The following MANBA variants were observed in gnomAD, a reference collection of about 807,000 sequenced individuals.
MANBA encodes the protein beta-mannosidase.
MANBA carries 83 observed loss-of-function variants against 111.1 expected under a neutral mutation model. That is an observed-to-expected ratio of 0.75 (90% CI 0.63 to 0.90). The LOEUF is 0.90. MANBA is among the 40% of genes least tolerant of loss of function. The pLI is 0.00. For synonymous variants in MANBA, 370 were observed against 378.7 expected (o/e 0.98, Z 0.27); for missense variants, 1,036 against 1,069.0 (o/e 0.97, Z 0.43).
intron 12 of MANBA, among the ~76,000 whole-genome samples, chr4:102,656,022 G>A (rs758874016): frequency 6.6e-6 from 1 of 152,156 alleles, no homozygotes; most frequent in Non-Finnish European, 1.5e-5. Context: ...GGAGCCCGAG[G>A]TAGGAAGATC....
chr4:102,757,688 T>C (rs1724081378), intron 1 of MANBA, among the ~76,000 whole-genome samples: 1 of 152,200 alleles, frequency 6.6e-6, no homozygotes, highest in South Asian at 2.1e-4. Flanking sequence ...AGACCAGCAA[T>C]AGTCCCCTGG....
chr4:102,751,247 G>A (rs1723778685), intron 1 of MANBA, among the ~76,000 whole-genome samples: 1 of 152,168 alleles, frequency 6.6e-6, no homozygotes, highest in Non-Finnish European at 1.5e-5. Context: ...ATTGTGGGTG[G>A]AGCAGACCCA....
chr4:102,709,969 T>C (rs72940802), intron 5 of MANBA, among the ~76,000 whole-genome samples: 4,632 of 152,292 alleles, frequency 0.03, 243 homozygotes, highest in African/African-American at 0.1. Flanking sequence ...TATCCCTTCA[T>C]GATAAAAACT....
intron 1 of MANBA, among the ~76,000 whole-genome samples, chr4:102,744,132 G>A (rs1723506590): frequency 6.6e-6 from 1 of 152,218 alleles, no homozygotes; most frequent in Non-Finnish European, 1.5e-5. Context: ...AATGTGGAAT[G>A]TGTTGCCTCC....
chr4:102,631,152 G>T lies in MANBA; in HGVS notation c.*905C>A. 6.8e-6 allele frequency: 1 copy of T among 146,194 alleles called. No homozygotes were observed. The highest frequency in any genetic ancestry group is 1.5e-5 in the Non-Finnish European group (1 of 66,988). 9.1% of individuals were successfully genotyped at this position (146,194 alleles called of 1,614,324 possible). On this transcript the variant is annotated 3_prime_UTR_variant, in exon 17 of 17. Transcript: ENST00000647097. Reference sequence around the variant, plus strand: ...TGTGTGTGTGTGTGTGTGTGTGTGTGTACATATAAAATGAGGATACTCTTA... The same window carrying T: ...TGTGTGTGTGTGTGTGTGTGTGTGTTTACATATAAAATGAGGATACTCTTA...
In MANBA at chr4:102,657,678, T is replaced by C. The variant is rs761347677; in HGVS notation, c.1704+4A>G. On this transcript the variant is annotated splice_donor_region_variant and intron_variant, in intron 12 of 16. Coordinates refer to ENST00000647097, the MANE Select transcript of MANBA (RefSeq NM_005908.4). ...AAACATTAGAAAATCAAACGATGAC[T>C]TACCTTTTCTAATGTACTGAAGGAC... is the stretch of plus-strand genomic sequence containing the variant. 4 of 1,596,398 alleles carry C rather than the reference T, an allele frequency of 2.5e-6. No homozygotes were observed. The South Asian group carries it at 4.4e-5, about 18-fold the overall frequency.
chr4:102,635,565 G>A (rs1292515473), intron 15 of MANBA, among the ~76,000 whole-genome samples: 1 of 152,022 alleles, frequency 6.6e-6, no homozygotes, highest in Non-Finnish European at 1.5e-5. Context: ...AAATAACCTT[G>A]CATTTAAGGG....
chr4:102,703,848 C>A (rs1224662896), intron 5 of MANBA, among the ~76,000 whole-genome samples: 3 of 152,220 alleles, frequency 2.0e-5, no homozygotes, highest in African/African-American at 7.2e-5. Flanking sequence ...GTAATCCCAG[C>A]ACTCTGGGAG....
At chr4:102,651,744 G>C (rs1426082400) in intron 12 of MANBA, among the ~76,000 whole-genome samples, 1 of 152,078 alleles carries the variant, frequency 6.6e-6, no homozygotes, top group Non-Finnish European at 1.5e-5. Flanking sequence ...CCAAATATAA[G>C]AAATGTACAC....
intron 8 of MANBA, among the ~76,000 whole-genome samples, chr4:102,672,442 A>AT (rs1157102890): frequency 6.6e-6 from 1 of 152,020 alleles, no homozygotes; most frequent in African/African-American, 2.4e-5. Flanking sequence ...TTGGAAAAAC[A>AT]TTTTTTTTCC....
At chr4:102,687,145 C>A (rs1560773750) in intron 7 of MANBA, among the ~76,000 whole-genome samples, 1 of 152,112 alleles carries the variant, frequency 6.6e-6, no homozygotes, top group Non-Finnish European at 1.5e-5. Context: ...AGCTGAGGAA[C>A]CATTCCTAAC....
intron 1 of MANBA, among the ~76,000 whole-genome samples, chr4:102,732,501 G>A (rs1723066694): frequency 6.6e-6 from 1 of 152,226 alleles, no homozygotes; most frequent in African/African-American, 2.4e-5. Flanking sequence ...GGGCAAATCT[G>A]TAAGAAGCAC....
In MANBA at chr4:102,632,044, A is replaced by T. The variant is rs753746808; in HGVS notation, c.*13T>A. The T allele has an allele frequency of 6.4e-7, 1 of 1,566,632 alleles. No individual in the cohort carries two copies. Among genetic ancestry groups the T allele is most frequent in the Non-Finnish European group, 8.8e-7 (1 of 1,138,504 alleles). On this transcript the variant is annotated 3_prime_UTR_variant, in exon 17 of 17. Coordinates refer to ENST00000647097, the MANE Select transcript of MANBA (RefSeq NM_005908.4). ...TATTCCCATTGTCCACTGAAAATAC[A>T]ACCTAGATTCCTTCAGTAAATATCT...
chr4:102,677,179 G>C (rs1279558310), intron 7 of MANBA, among the ~76,000 whole-genome samples: 1 of 152,160 alleles, frequency 6.6e-6, no homozygotes, highest in Non-Finnish European at 1.5e-5. Flanking sequence ...ACAAACGATG[G>C]TTATTCAGAC....
At chr4:102,722,820 A>G (rs1209520313) in intron 4 of MANBA, 51 bp downstream of exon 4, 2 of 1,565,916 alleles carry the variant, frequency 1.3e-6, no homozygotes, top group Admixed American at 3.3e-5. Context: ...TTCATATGCC[A>G]GCACACCCCG....
intron 4 of MANBA, among the ~76,000 whole-genome samples, chr4:102,720,515 G>A (rs995408247): frequency 6.6e-6 from 1 of 151,506 alleles, no homozygotes; most frequent in African/African-American, 2.4e-5. Flanking sequence ...TGAGGCAGGA[G>A]AATCACTTGA....
In MANBA at chr4:102,668,963, C is replaced by T. The variant is rs539950148; in HGVS notation, c.1317G>A (p.Gln439=). 3 of 1,608,228 alleles carry T rather than the reference C, an allele frequency of 1.9e-6. No homozygotes were observed. The highest frequency in any genetic ancestry group is 1.7e-6 in the Non-Finnish European group (2 of 1,175,114). The part of the protein sequence containing the change: ...LDSVTAEVAY[Q]IKRLKSHPSI... ...TCTTCTTGGAAGGGTAGTAACATACCTGGTAGGCAACTTCTGCTGTCACTG... is the reference window on the plus strand; with the variant it reads ...TCTTCTTGGAAGGGTAGTAACATACTTGGTAGGCAACTTCTGCTGTCACTG... Residue 439 remains glutamine (Q), a splice_region_variant and synonymous_variant, in exon 10 of 17, where the codon CAG becomes CAA. Transcript: ENST00000647097.
At chr4:102,716,309 CAAAAAAAAAAA>C (rs56345161) in intron 4 of MANBA, among the ~76,000 whole-genome samples, 1 of 39,108 alleles carries the variant, frequency 2.6e-5, no homozygotes, top group East Asian at 9.7e-4. Context: ...AACTCAGTCT[CAAAAAAAAAAA>C]AAAAAAAAAA....
intron 1 of MANBA, among the ~76,000 whole-genome samples, chr4:102,738,962 T>C (rs1356966737): frequency 6.6e-6 from 1 of 151,620 alleles, no homozygotes; most frequent in Non-Finnish European, 1.5e-5. Context: ...CAAAATACAC[T>C]GGAAAGTTTC....
Sources: gnomAD v4.1 joint callset for allele counts (sites outside exome capture counted in the v4.1 genomes callset) on GRCh38, gnomAD v4.1.1 for gene constraint, MANE v1.5 for transcripts, NCBI Gene and HGNC (gene_info 2026-07-23, HGNC 2026-07-21) for gene names.